CIDEA: variants seen among roughly 807,000 people sequenced by gnomAD.
CIDEA encodes cell death inducing DFFA like effector a, also known as lipid transferase CIDEA.
Under a neutral mutation model 18.2 loss-of-function variants are expected in CIDEA, and 10 were observed. That is an observed-to-expected ratio of 0.55 (90% CI 0.34 to 0.93). The LOEUF is 0.93. Ranked by LOEUF, CIDEA falls within the 40% of genes least tolerant of loss-of-function variation. CIDEA has a pLI of 0.02. For missense variants in CIDEA, 309 were observed against 293.1 expected (o/e 1.05, Z -0.40); for synonymous variants, 128 against 124.8 (o/e 1.03, Z -0.17).
intron 3 of CIDEA, among the ~76,000 whole-genome samples, chr18:12,273,310 A>G (rs1020246839): frequency 6.6e-6 from 1 of 151,968 alleles, no homozygotes; most frequent in African/African-American, 2.4e-5. Context: ...CCCTGTGTAG[A>G]CCCGAATCCT....
At chr18:12,274,546 C>G (rs1361329163) in intron 4 of CIDEA, among the ~76,000 whole-genome samples, 1 of 152,202 alleles carries the variant, frequency 6.6e-6, no homozygotes, top group East Asian at 1.9e-4. Context: ...GAACCACATT[C>G]ATTTTAAGAA....
At chr18:12,270,262 C>T (rs1912475310) in intron 3 of CIDEA, among the ~76,000 whole-genome samples, 1 of 152,004 alleles carries the variant, frequency 6.6e-6, no homozygotes, top group Non-Finnish European at 1.5e-5. Context: ...CATTTTACGT[C>T]TTTCTGTCCC....
chr18:12,276,864 C>T (rs35410058), intron 4 of CIDEA, among the ~76,000 whole-genome samples: 39,172 of 150,994 alleles, frequency 0.26, 5,880 homozygotes, highest in East Asian at 0.54. Flanking sequence ...GTGCTTCTTG[C>T]GGTGGTCTTG....
chr18:12,267,290 T>A (rs1042236424), intron 3 of CIDEA, among the ~76,000 whole-genome samples: 11 of 152,248 alleles, frequency 7.2e-5, no homozygotes, highest in African/African-American at 2.7e-4. Context: ...ACAAATCATG[T>A]ACCCTTGCAG....
chr18:12,276,414 T>G (rs149446398), intron 4 of CIDEA, among the ~76,000 whole-genome samples: 41 of 152,230 alleles, frequency 2.7e-4, no homozygotes, highest in African/African-American at 9.6e-4. Context: ...CACCTCAGCC[T>G]CTGAAAGTGC....
intron 3 of CIDEA, among the ~76,000 whole-genome samples, chr18:12,271,828 G>C (rs1195010779): frequency 6.6e-6 from 1 of 152,128 alleles, no homozygotes; most frequent in African/African-American, 2.4e-5. Context: ...GCCGCCAGCA[G>C]GTGTCTCGCT....
intron 3 of CIDEA, among the ~76,000 whole-genome samples, chr18:12,272,149 T>TGG (rs1376535544): frequency 0.13 from 921 of 7,290 alleles, 81 homozygotes; most frequent in Non-Finnish European, 0.18. Flanking sequence ...AGTGTGTGTG[T>TGG]GGGGGGGGGG....
intron 4 of CIDEA, among the ~76,000 whole-genome samples, chr18:12,275,088 C>G (rs188123873): frequency 6.6e-6 from 1 of 152,154 alleles, no homozygotes; most frequent in Non-Finnish European, 1.5e-5. Context: ...TTTGGGAGGC[C>G]AAGGTCAGCA....
At chr18:12,264,604 A>G in intron 3 of CIDEA, 151 bp downstream of exon 3, 2 of 605,926 alleles carry the variant, frequency 3.3e-6, no homozygotes. Context: ...CCCAGGCTGG[A>G]GTGCAGTGGC....
intron 4 of CIDEA, 56 bp downstream of exon 4, chr18:12,274,330 C>T: frequency 1.3e-6 from 2 of 1,550,188 alleles, no homozygotes; most frequent in Non-Finnish European, 1.8e-6. Context: ...GGGTGTGGCA[C>T]AGGCAGCAGT....
At chr18:12,268,179 C>G (rs974659857) in intron 3 of CIDEA, among the ~76,000 whole-genome samples, 3 of 148,844 alleles carry the variant, frequency 2.0e-5, no homozygotes, top group Non-Finnish European at 3.0e-5. Context: ...ATCCTCCTGC[C>G]TCAGCCTCCT....
chr18:12,259,775 T>G (rs1423227192), intron 1 of CIDEA, among the ~76,000 whole-genome samples: 1 of 152,112 alleles, frequency 6.6e-6, no homozygotes, highest in African/African-American at 2.4e-5. Context: ...GCAGGAGAAT[T>G]GCTTGAACCC....
intron 3 of CIDEA, among the ~76,000 whole-genome samples, chr18:12,270,462 G>A (rs909351111): frequency 3.9e-5 from 6 of 152,208 alleles, no homozygotes; most frequent in Non-Finnish European, 8.8e-5. Flanking sequence ...AGGCCAAGGT[G>A]GGTGGATCAC....
At chr18:12,256,236 A>C (rs1412222751) in intron 1 of CIDEA, among the ~76,000 whole-genome samples, 2 of 152,206 alleles carry the variant, frequency 1.3e-5, no homozygotes, top group African/African-American at 2.4e-5. Context: ...CCAGGTCCTA[A>C]CATATTTGCT....
At position 12,270,872 on chromosome 18, in the gene CIDEA, CTTTTCT is replaced by C. The variant is rs1466616067; in HGVS notation, c.331-3205_331-3200del. 5.1e-3 allele frequency among the ~76,000 whole-genome samples: 570 copies of C among 112,596 alleles called. 8 individuals carry two copies. The highest frequency in any genetic ancestry group is 0.019 in the African/African-American group (553 of 29,796). 73.9% of individuals were successfully genotyped at this position (112,596 alleles called of 152,430 possible). A position where few individuals can be genotyped will look rare whatever the true frequency, so the allele number is the denominator to read the frequency against. ...GACCACAGACACCTCTGTTTGTTTT[CTTTTCT>C]TTTTCTTTTTCTTTTCTTTTTTTTT... On this transcript the variant is annotated intron_variant, in intron 3 of 4. Coordinates refer to ENST00000320477, the MANE Select transcript of CIDEA (RefSeq NM_001279.4).
chr18:12,264,460 A>T lies in CIDEA; in HGVS notation c.330+7A>T. The T allele has an allele frequency of 6.2e-7, 1 of 1,610,994 alleles. No homozygotes were observed. The highest frequency in any genetic ancestry group is 8.5e-7 in the Non-Finnish European group (1 of 1,178,226). ...AGGACAGAAGTGGATGCCGGTAAGCAAAAACACTGTCACCCAAACAGCTAC... is the reference window on the plus strand; with the variant it reads ...AGGACAGAAGTGGATGCCGGTAAGCTAAAACACTGTCACCCAAACAGCTAC... On this transcript the variant is annotated splice_region_variant and intron_variant, in intron 3 of 4. Transcript: ENST00000320477.
chr18:12,270,688 C>CAAAAAAAAAAA lies in CIDEA; in HGVS notation c.331-3387_331-3377dup, dbSNP rs68102741. Among the ~76,000 whole-genome samples, 83 of 72,800 alleles carry CAAAAAAAAAAA rather than the reference C, an allele frequency of 1.1e-3. 3 individuals carry two copies. The highest frequency in any genetic ancestry group is 4.0e-3 in the African/African-American group (48 of 11,924). 47.8% of individuals were successfully genotyped at this position (72,800 alleles called of 152,430 possible). A position where few individuals can be genotyped will look rare whatever the true frequency, so the allele number is the denominator to read the frequency against. ...GGCGACAGAGCAAGACTCCGTCTCA[C>CAAAAAAAAAAA]AAAAAAAAAAAAAAAAAAAAAAAAA... On this transcript the variant is annotated intron_variant, in intron 3 of 4. Transcript: ENST00000320477.
chr18:12,260,940 G>A (rs1279076827), intron 1 of CIDEA, among the ~76,000 whole-genome samples: 4 of 152,192 alleles, frequency 2.6e-5, no homozygotes, highest in African/African-American at 7.2e-5. Context: ...GGTGAGGGAA[G>A]TGTCCAGTCC....
intron 4 of CIDEA, among the ~76,000 whole-genome samples, chr18:12,276,289 G>A (rs1305672989): frequency 1.3e-5 from 2 of 151,462 alleles, no homozygotes; most frequent in Non-Finnish European, 2.9e-5. Flanking sequence ...CCACATTCCA[G>A]GCCCTTTTTC....
Sources: allele counts gnomAD v4.1 joint callset (sites outside exome capture counted in the v4.1 genomes callset), GRCh38; gene constraint gnomAD v4.1.1; transcripts MANE v1.5; gene names NCBI Gene and HGNC (gene_info 2026-07-23, HGNC 2026-07-21).